TMC1: variants seen among roughly 807,000 people sequenced by gnomAD.
TMC1 encodes transmembrane channel-like protein 1.
A neutral mutation model predicts 105.8 loss-of-function variants in TMC1; 84 were observed. The ratio of observed to expected loss-of-function variants is 0.79; its 90% confidence interval spans 0.67 to 0.95. TMC1 has a LOEUF of 0.95. Ranked by LOEUF, TMC1 falls within the 40% of genes least tolerant of loss-of-function variation. The pLI, the probability that TMC1 is intolerant of heterozygous loss-of-function variation, is 0.00. For missense variants in TMC1, 817 were observed against 914.1 expected (o/e 0.89, Z 1.37); for synonymous variants, 315 against 311.5 (o/e 1.01, Z -0.12).
At chr9:72,548,903 T>C (rs1823814914) in intron 1 of TMC1, among the ~76,000 whole-genome samples, 1 of 152,242 alleles carries the variant, frequency 6.6e-6, no homozygotes, top group Admixed American at 6.5e-5. Context: ...CTGCTCCAGC[T>C]CTGGGTACAC....
intron 1 of TMC1, among the ~76,000 whole-genome samples, chr9:72,548,381 G>A (rs10125395): frequency 0.29 from 43,796 of 151,858 alleles, 6,968 homozygotes; most frequent in African/African-American, 0.4. Flanking sequence ...AGATCAGCCT[G>A]GCCAAGATGG....
chr9:72,626,049 C>T (rs1019403553), intron 3 of TMC1, among the ~76,000 whole-genome samples: 2 of 152,022 alleles, frequency 1.3e-5, no homozygotes, highest in African/African-American at 2.4e-5. Flanking sequence ...TGATTGTATA[C>T]CTATATATAA....
intron 13 of TMC1, 132 bp from the exon 14 acceptor site, chr9:72,788,207 A>G: frequency 2.1e-6 from 2 of 970,682 alleles, no homozygotes; most frequent in Non-Finnish European, 3.1e-6. Flanking sequence ...TCTGGTCATT[A>G]GAACAAACTT....
intron 4 of TMC1, among the ~76,000 whole-genome samples, chr9:72,637,015 C>A (rs1825546179): frequency 6.6e-6 from 1 of 151,420 alleles, no homozygotes; most frequent in Admixed American, 6.6e-5. Flanking sequence ...AGAAACCATG[C>A]CCTAGAGAAG....
rs746329878 is a variant in TMC1, at chr9:72,820,923, C to T, written c.1845C>T (p.Ala615=). The change falls in exon 20 of 24, where the codon GCC becomes GCT. Residue 615 remains alanine, a synonymous_variant. Transcript: ENST00000297784. ...LHTSMYFQCW[A]VMCCNVPEAR... is the part of the protein sequence containing the mutation. ...CATCCATGTACTTCCAGTGCTGGGC[C>T]GTTATGTGCTGCAATGTTCCTGAGG... 26 of 1,614,116 alleles carry T rather than the reference C, an allele frequency of 1.6e-5. No individual in the cohort carries two copies. The highest frequency in any genetic ancestry group is 1.6e-4 in the Middle Eastern group (1 of 6,062).
chr9:72,733,000 C>T (rs1192030960), intron 8 of TMC1, among the ~76,000 whole-genome samples: 1 of 152,122 alleles, frequency 6.6e-6, no homozygotes, highest in Non-Finnish European at 1.5e-5. Context: ...ATAACTCTCC[C>T]CAAATCACAC....
At chr9:72,606,686 A>T (rs1015167491) in intron 2 of TMC1, among the ~76,000 whole-genome samples, 2 of 152,084 alleles carry the variant, frequency 1.3e-5, no homozygotes, top group African/African-American at 4.8e-5. Flanking sequence ...TTTTTGTCAA[A>T]CACATTTATA....
chr9:72,528,152 A>T (rs1587938873), intron 1 of TMC1, among the ~76,000 whole-genome samples: 3 of 151,224 alleles, frequency 2.0e-5, no homozygotes, highest in East Asian at 3.9e-4. Context: ...CTGTTCTTAT[A>T]AAAAAAAGGC....
chr9:72,569,492 A>G (rs1824231248), intron 1 of TMC1, among the ~76,000 whole-genome samples: 1 of 152,210 alleles, frequency 6.6e-6, no homozygotes, highest in South Asian at 2.1e-4. Flanking sequence ...GACGAAATGG[A>G]CATATGTATG....
At position 72,648,581 on chromosome 9, in the gene TMC1, T is replaced by A. The variant is rs1825752223; in HGVS notation, c.-52-16T>A. ...TGCTAGATCAAACCTGAAATATTTG[T>A]TCCTTCATCCTGCAGTCCCTCTCCA... On this transcript the variant is annotated splice_polypyrimidine_tract_variant and intron_variant, in intron 4 of 23. Transcript: ENST00000297784. 1 of 1,417,622 alleles carries A rather than the reference T, an allele frequency of 7.1e-7. No individual in the cohort carries two copies. Among genetic ancestry groups the A allele is most frequent in the African/African-American group, 1.4e-5 (1 of 71,052 alleles). The allele number at this position is 1,417,622 out of a possible 1,614,324, so 87.8% of individuals were successfully genotyped here. A position where few individuals can be genotyped will look rare whatever the true frequency, so the allele number is the denominator to read the frequency against.
Position 72,592,925 on chromosome 9 carries a change from C to T in TMC1, c.-306+14902C>T, listed in dbSNP as rs536350392. Among the ~76,000 whole-genome samples, 4 of 152,222 alleles carry T rather than the reference C, an allele frequency of 2.6e-5. No individual in the cohort carries two copies. In the South Asian group the frequency reaches 8.3e-4, roughly 32 times the overall value. ...CTAGGACAGTGGGTGTGTGAACCAG[C>T]AATAGCGCCATCTGCTGGAAGTAAG... On this transcript the variant is annotated intron_variant, in intron 2 of 23. Coordinates refer to ENST00000297784, the MANE Select transcript of TMC1 (RefSeq NM_138691.3).
intron 19 of TMC1, chr9:72,818,810 A>C (rs1248406864): frequency 1.3e-5 from 2 of 152,186 alleles, no homozygotes; most frequent in Admixed American, 1.3e-4. Context: ...ATGAGCATTA[A>C]CATTCGGATA....
At chr9:72,746,307 A>G (rs1015993454) in intron 10 of TMC1, among the ~76,000 whole-genome samples, 7 of 152,296 alleles carry the variant, frequency 4.6e-5, no homozygotes, top group Middle Eastern at 3.4e-3. Context: ...TGGATGCCTA[A>G]CATGTTTCTA....
intron 8 of TMC1, among the ~76,000 whole-genome samples, chr9:72,717,944 T>G (rs945254685): frequency 6.6e-6 from 1 of 152,050 alleles, no homozygotes; most frequent in African/African-American, 2.4e-5. Context: ...TTAGGTTTGG[T>G]CATTTAACAT....
chr9:72,758,613 G>C (rs1055315183), intron 12 of TMC1, among the ~76,000 whole-genome samples: 2 of 152,108 alleles, frequency 1.3e-5, no homozygotes, highest in African/African-American at 4.8e-5. Context: ...ACAGACAGCC[G>C]TGGGCTGTCC....
intron 8 of TMC1, among the ~76,000 whole-genome samples, chr9:72,701,375 A>T (rs1261611680): frequency 6.6e-6 from 1 of 152,144 alleles, no homozygotes; most frequent in East Asian, 1.9e-4. Flanking sequence ...ATTCTGGGGG[A>T]TGGGAAGATT....
chr9:72,592,977 G>C (rs1233460170), intron 2 of TMC1, among the ~76,000 whole-genome samples: 1 of 152,154 alleles, frequency 6.6e-6, no homozygotes, highest in African/African-American at 2.4e-5. Context: ...ATCTTGACTA[G>C]GCTCAGGGCT....
rs769370851 is a variant in TMC1, at chr9:72,821,051, T to A, written c.1973T>A (p.Leu658His). ...TMPVLYMIVS[L>H]PPSFDCGPFS... ...CCTGTCTTGTACATGATCGTGTCCC[T>A]CCCACCATCTTTTGATTGTGGTCCA... The change falls in exon 20 of 24, where the codon CTC becomes CAC. Residue 658 changes from leucine to histidine, a missense_variant. Leu to His is a moderately conservative substitution (Grantham distance 99). Transcript: ENST00000297784. The A allele has an allele frequency of 3.1e-6, 5 of 1,614,174 alleles. No homozygotes were observed. The South Asian group carries it at 5.5e-5, about 18-fold the overall frequency.
At chr9:72,567,543 C>T (rs571853915) in intron 1 of TMC1, among the ~76,000 whole-genome samples, 3 of 152,266 alleles carry the variant, frequency 2.0e-5, no homozygotes, top group South Asian at 2.1e-4. Flanking sequence ...CACCTCTTCA[C>T]GGGGTGGCGG....
Sources: allele counts gnomAD v4.1 joint callset (sites outside exome capture counted in the v4.1 genomes callset), GRCh38; gene constraint gnomAD v4.1.1; transcripts MANE v1.5; gene names NCBI Gene and HGNC (gene_info 2026-07-23, HGNC 2026-07-21).